The following SLC2A14 variants were observed in gnomAD, a reference collection of about 807,000 sequenced individuals.
The protein encoded by SLC2A14 is solute carrier family 2 member 14, also known as solute carrier family 2, facilitated glucose transporter member 14.
A neutral mutation model predicts 43.0 loss-of-function variants in SLC2A14; 13 were observed. The ratio of observed to expected loss-of-function variants is 0.30; its 90% CI spans 0.20 to 0.48. The LOEUF is 0.48. Among genes scored for constraint, SLC2A14 ranks in the 20% least tolerant of loss-of-function variants. The probability of loss-of-function intolerance (pLI) is 0.99; values close to 1 mark genes in which losing one functional copy is unlikely to be tolerated. For missense variants in SLC2A14, 428 were observed against 620.4 expected, an observed-to-expected ratio of 0.69 and a Z score of 3.29; for synonymous variants, 190 against 233.8, an observed-to-expected ratio of 0.81 and a Z score of 1.71.
chr12:7,879,167 T>C (rs1015033504), intron 1 of SLC2A14, among the ~76,000 whole-genome samples: 1 of 151,686 alleles, frequency 6.6e-6, no homozygotes, highest in Non-Finnish European at 1.5e-5. Context: ...AACCCTTGCC[T>C]TACCACATTC....
intron 2 of SLC2A14, among the ~76,000 whole-genome samples, chr12:7,856,710 A>C (rs1867417188): frequency 6.6e-6 from 1 of 152,176 alleles, no homozygotes; most frequent in South Asian, 2.1e-4. Flanking sequence ...TGACATCAGT[A>C]TCTTCAGGGA....
upstream of SLC2A14, among the ~76,000 whole-genome samples, chr12:7,875,142 T>TTATATTTAAAATTAAATATATATAAA (rs1565585629): frequency 5.1e-5 from 7 of 138,178 alleles, no homozygotes; most frequent in African/African-American, 1.3e-4. Context: ...TATTTAAATA[T>TTATATTTAAAATTAAATATATATAAA]TATATTTAAA....
intron 2 of SLC2A14, among the ~76,000 whole-genome samples, chr12:7,835,372 G>A (rs1397041838): frequency 6.6e-6 from 1 of 152,178 alleles, no homozygotes; most frequent in African/African-American, 2.4e-5. Context: ...GGGTGCCAGC[G>A]AGACTGTCTC....
intron 7 of SLC2A14, among the ~76,000 whole-genome samples, chr12:7,822,890 T>C (rs966439260): frequency 6.6e-6 from 1 of 152,174 alleles, no homozygotes; most frequent in Non-Finnish European, 1.5e-5. Flanking sequence ...AAAACACTGA[T>C]AGGCACATTG....
At chr12:7,818,914 T>A (rs910458736) in intron 9 of SLC2A14, among the ~76,000 whole-genome samples, 1 of 151,880 alleles carries the variant, frequency 6.6e-6, no homozygotes, top group African/African-American at 2.4e-5. Flanking sequence ...ATTACCTTGA[T>A]ATTATTTTAA....
intron 2 of SLC2A14, among the ~76,000 whole-genome samples, chr12:7,859,910 G>A (rs1034123249): frequency 7.9e-5 from 12 of 152,148 alleles, no homozygotes; most frequent in Non-Finnish European, 4.4e-5. Context: ...GCATTTATAT[G>A]GACCTTGAAA....
intron 2 of SLC2A14, chr12:7,863,451 T>A (rs1229160116): frequency 2.2e-6 from 1 of 452,780 alleles, no homozygotes; most frequent in Admixed American, 2.4e-5. Context: ...ATTGTGAAAC[T>A]CCATCTCTAT....
intron 7 of SLC2A14, among the ~76,000 whole-genome samples, chr12:7,823,720 C>CA (rs34419496): frequency 0.63 from 94,253 of 150,218 alleles, 29,691 homozygotes; most frequent in African/African-American, 0.7. Flanking sequence ...AACTCCGTCT[C>CA]AAAAAAAAAG....
intron 2 of SLC2A14, among the ~76,000 whole-genome samples, chr12:7,834,787 C>G (rs986650454): frequency 2.6e-5 from 4 of 152,038 alleles, no homozygotes; most frequent in African/African-American, 9.7e-5. Flanking sequence ...TAGGAGGAAC[C>G]TGATGCTCAA....
At chr12:7,877,251 G>C (rs776953209), upstream of SLC2A14, among the ~76,000 whole-genome samples, 1 of 152,128 alleles carries the variant, frequency 6.6e-6, no homozygotes, top group South Asian at 2.1e-4. Flanking sequence ...ACCCGCCTCG[G>C]CCTCCCAAAG....
At chr12:7,814,669 T>C in intron 10 of SLC2A14, 135 bp from the exon 11 acceptor site, 1 of 985,514 alleles carries the variant, frequency 1.0e-6, no homozygotes, top group Non-Finnish European at 1.5e-6. Context: ...TAAAGGTTTC[T>C]TCAGAGATTT....
At chr12:7,880,353 AAC>A (rs1375314671) in intron 1 of SLC2A14, among the ~76,000 whole-genome samples, 1 of 150,828 alleles carries the variant, frequency 6.6e-6, no homozygotes, top group Non-Finnish European at 1.5e-5. Context: ...CAACAACAAA[AAC>A]ACACACAAAA....
chr12:7,824,246 ACT>A (rs1378720468), intron 7 of SLC2A14, among the ~76,000 whole-genome samples: 2 of 151,840 alleles, frequency 1.3e-5, no homozygotes, highest in African/African-American at 4.8e-5. Flanking sequence ...ACGGAGTAAG[ACT>A]CTGTCTCAAA....
intron 2 of SLC2A14, among the ~76,000 whole-genome samples, chr12:7,846,798 A>C (rs1866507955): frequency 6.6e-6 from 1 of 151,016 alleles, no homozygotes; most frequent in Admixed American, 6.6e-5. Flanking sequence ...CACCCGCCTA[A>C]TTTTTTTGTA....
chr12:7,827,005 C>T lies in SLC2A14; in HGVS notation c.864+490G>A, dbSNP rs1183307564. 1.5e-5 allele frequency among the ~76,000 whole-genome samples: 2 copies of T among 132,418 alleles called. 1 individual carries two copies. The highest frequency in any genetic ancestry group is 3.1e-5 in the Non-Finnish European group (2 of 63,928). The allele number at this position is 132,418 out of a possible 152,430, so 86.9% of individuals were successfully genotyped here. A position where few individuals can be genotyped will look rare whatever the true frequency, so the allele number is the denominator to read the frequency against. ...TCTCCTTTCTCTCTTTCTCTCCTTT[C>T]TCTCTCTCTCTTTCTCTCCTTTCTC... On this transcript the variant is annotated intron_variant, in intron 7 of 10. Transcript: ENST00000431042.
In SLC2A14 at chr12:7,869,950, A is replaced by G. The variant is rs1028185679; in HGVS notation, c.-57-13T>C. The G allele has an allele frequency of 3.4e-5, 51 of 1,499,270 alleles. No homozygotes were observed. The highest frequency in any genetic ancestry group is 4.3e-5 in the Non-Finnish European group (48 of 1,119,050). The allele number at this position is 1,499,270 out of a possible 1,614,324, so 92.9% of individuals were successfully genotyped here. A position where few individuals can be genotyped will look rare whatever the true frequency, so the allele number is the denominator to read the frequency against. On this transcript the variant is annotated splice_polypyrimidine_tract_variant and intron_variant, in intron 1 of 10. Transcript: ENST00000431042. ...AAGGTACTGCTTCCTGTAAATTGTA[A>G]TTGTCTAGTTATTCATTTACTCCAT...
At chr12:7,815,355 G>A (rs1368177344) in intron 10 of SLC2A14, among the ~76,000 whole-genome samples, 2 of 152,030 alleles carry the variant, frequency 1.3e-5, no homozygotes, top group African/African-American at 2.4e-5. Context: ...GGCAGAGGTT[G>A]CAGTGAGCCG....
intron 2 of SLC2A14, among the ~76,000 whole-genome samples, chr12:7,868,828 C>A (rs1361816013): frequency 1.3e-5 from 2 of 151,772 alleles, no homozygotes; most frequent in African/African-American, 4.8e-5. Context: ...GCCAACATGG[C>A]GAAACCCTGT....
chr12:7,836,500 G>A (rs1036971819), intron 2 of SLC2A14, among the ~76,000 whole-genome samples: 4 of 152,104 alleles, frequency 2.6e-5, no homozygotes, highest in South Asian at 4.1e-4. Context: ...GATTACAGGC[G>A]TGAGCCACTG....
Sources: allele counts gnomAD v4.1 joint callset (sites outside exome capture counted in the v4.1 genomes callset), GRCh38; gene constraint gnomAD v4.1.1; transcripts MANE v1.5; gene names NCBI Gene and HGNC (gene_info 2026-07-23, HGNC 2026-07-21).